ETV1: variants seen among roughly 807,000 people sequenced by gnomAD.
ETV1 encodes the protein ETS variant transcription factor 1.
ETV1 carries 27 observed loss-of-function variants against 62.3 expected under a neutral mutation model. The ratio of observed to expected loss-of-function variants is 0.43; its 90% CI spans 0.32 to 0.60. The LOEUF is 0.60. Ranked by LOEUF, ETV1 falls within the 20% of genes least tolerant of loss-of-function variation. The probability of loss-of-function intolerance (pLI) is 0.06; values close to 1 mark genes in which losing one functional copy is unlikely to be tolerated. For synonymous variants in ETV1, 222 were observed against 199.6 expected (o/e 1.11, Z -0.94); for missense variants, 605 against 605.8 (o/e 1.00, Z 0.01).
intron 5 of ETV1, among the ~76,000 whole-genome samples, chr7:13,981,223 G>C (rs1464034381): frequency 6.6e-6 from 1 of 152,038 alleles, no homozygotes; most frequent in African/African-American, 2.4e-5. Flanking sequence ...CAAGGCGGAA[G>C]ATGTATGAGT....
At chr7:13,907,901 A>G in intron 11 of ETV1, 1 of 464,466 alleles carries the variant, frequency 2.2e-6, no homozygotes, top group Non-Finnish European at 4.5e-6. Flanking sequence ...TGCTAAAATC[A>G]TTATGTTGTT....
In ETV1 at chr7:13,904,626, A is replaced by G. The variant is rs183198015; in HGVS notation, c.1110+1804T>C. ...CAAATATATGGCAGGAACAACAACA[A>G]AAACCTCTGCTCAGTTCATTTTAAT... On this transcript the variant is annotated intron_variant, in intron 12 of 13. Transcript: ENST00000430479. Among the ~76,000 whole-genome samples, 665 of 152,232 alleles carry G rather than the reference A, an allele frequency of 4.4e-3. 9 individuals are homozygous for G. Among genetic ancestry groups the G allele is most frequent in the African/African-American group, 0.015 (643 of 41,522 alleles).
chr7:13,943,783 T>G lies in ETV1; in HGVS notation c.236-4537A>C, dbSNP rs79651498. On this transcript the variant is annotated intron_variant, in intron 6 of 13. Transcript: ENST00000430479. ...CATTTTATATCTTGCTTCTGGGTGG[T>G]GGTTATATGGATATATACACATGTA... is the stretch of plus-strand genomic sequence containing the variant. Among the ~76,000 whole-genome samples the G allele has an allele frequency of 8.6e-3, 1,304 of 152,322 alleles. 28 individuals are homozygous for G. The highest frequency in any genetic ancestry group is 0.049 in the East Asian group (254 of 5,182).
intron 8 of ETV1, among the ~76,000 whole-genome samples, chr7:13,933,402 G>T (rs1203330793): frequency 6.6e-6 from 1 of 152,154 alleles, no homozygotes; most frequent in East Asian, 1.9e-4. Context: ...AACAGATAAG[G>T]AGAACATGCT....
chr7:13,963,767 T>C (rs539212560), intron 6 of ETV1, among the ~76,000 whole-genome samples: 1 of 152,282 alleles, frequency 6.6e-6, no homozygotes, highest in Non-Finnish European at 1.5e-5. Flanking sequence ...GGTCTATATA[T>C]TCCATAAGCA....
At chr7:13,936,720 C>G (rs1452729276) in intron 7 of ETV1, among the ~76,000 whole-genome samples, 1 of 151,998 alleles carries the variant, frequency 6.6e-6, no homozygotes, top group African/African-American at 2.4e-5. Context: ...TTTTTTTTAA[C>G]AACAGGGCAT....
intron 4 of ETV1, 24 bp from the exon 5 acceptor site, chr7:13,986,709 A>C (rs775086520): frequency 6.4e-7 from 1 of 1,564,708 alleles, no homozygotes; most frequent in Non-Finnish European, 8.7e-7. Context: ...CAAAGACATA[A>C]ACATAAGATT....
At chr7:13,950,792 C>T (rs1246126195) in intron 6 of ETV1, among the ~76,000 whole-genome samples, 3 of 151,954 alleles carry the variant, frequency 2.0e-5, no homozygotes, top group Non-Finnish European at 2.9e-5. Flanking sequence ...AGGTTGACAA[C>T]ATTTCTTTGT....
chr7:13,935,658 T>C, intron 8 of ETV1, 50 bp downstream of exon 8: 2 of 1,530,572 alleles, frequency 1.3e-6, no homozygotes, highest in Non-Finnish European at 1.8e-6. Context: ...TAGAAATTTT[T>C]TCCAAGAACG....
At chr7:13,988,276 C>G in intron 3 of ETV1, 103 bp from the exon 4 acceptor site, 2 of 706,404 alleles carry the variant, frequency 2.8e-6, no homozygotes, top group Non-Finnish European at 5.0e-6. Context: ...ATACATAAGT[C>G]TAATGGATCT....
At chr7:13,944,441 AG>A (rs111302308) in intron 6 of ETV1, among the ~76,000 whole-genome samples, 2 of 152,116 alleles carry the variant, frequency 1.3e-5, no homozygotes, top group African/African-American at 4.8e-5. Flanking sequence ...GTAAGGGAAT[AG>A]GGGCACTAAT....
chr7:13,977,983 T>C (rs1305286912), intron 5 of ETV1, among the ~76,000 whole-genome samples: 1 of 152,166 alleles, frequency 6.6e-6, no homozygotes, highest in Non-Finnish European at 1.5e-5. Flanking sequence ...TATTTTAAGA[T>C]GCTTGCACTG....
chr7:13,895,737 C>T lies in ETV1; in HGVS notation c.*129G>A, dbSNP rs1583540124. 2 of 701,866 alleles carry T rather than the reference C, an allele frequency of 2.8e-6. No individual in the cohort carries two copies. Among genetic ancestry groups the T allele is most frequent in the Non-Finnish European group, 4.8e-6 (2 of 415,330 alleles). 43.5% of individuals were successfully genotyped at this position (701,866 alleles called of 1,614,324 possible). ...CCATAGAATAATGCAACAGGAAAAG[C>T]CCCTTTTTGTGTATTATTATTTAAA... On this transcript the variant is annotated 3_prime_UTR_variant, in exon 14 of 14. Transcript: ENST00000430479.
intron 12 of ETV1, among the ~76,000 whole-genome samples, chr7:13,903,964 A>G (rs1005114216): frequency 1.3e-5 from 2 of 152,118 alleles, no homozygotes; most frequent in Non-Finnish European, 2.9e-5. Flanking sequence ...AAAATGCAAG[A>G]TGAAATATAA....
At chr7:13,910,994 G>T (rs1193398690) in intron 10 of ETV1, among the ~76,000 whole-genome samples, 2 of 152,136 alleles carry the variant, frequency 1.3e-5, no homozygotes, top group Non-Finnish European at 2.9e-5. Flanking sequence ...GGATGTGGTT[G>T]TTGGCAAAAA....
intron 3 of ETV1, 117 bp from the exon 4 acceptor site, chr7:13,988,290 C>T: frequency 1.5e-6 from 1 of 661,652 alleles, no homozygotes; most frequent in Non-Finnish European, 2.6e-6. Context: ...TGGATCTTCT[C>T]TGAATAGAAA....
At chr7:13,962,924 T>C (rs781087433) in intron 6 of ETV1, among the ~76,000 whole-genome samples, 16 of 152,200 alleles carry the variant, frequency 1.1e-4, no homozygotes, top group Non-Finnish European at 2.2e-4. Flanking sequence ...AAACACTTAT[T>C]TTACGTCTTT....
chr7:13,948,917 T>A (rs993019269), intron 6 of ETV1, among the ~76,000 whole-genome samples: 4 of 152,134 alleles, frequency 2.6e-5, no homozygotes, highest in African/African-American at 9.7e-5. Context: ...TGCAGCCTTG[T>A]GTAGCCAATT....
upstream of ETV1, chr7:13,990,553 T>G (rs1325541203): frequency 6.6e-6 from 1 of 152,270 alleles, no homozygotes; most frequent in Non-Finnish European, 1.5e-5. Context: ...TGTCACTTAC[T>G]GTACTTGACG....
Sources: allele counts gnomAD v4.1 joint callset (sites outside exome capture counted in the v4.1 genomes callset), GRCh38; gene constraint gnomAD v4.1.1; transcripts MANE v1.5; gene names NCBI Gene and HGNC (gene_info 2026-07-23, HGNC 2026-07-21).